Variants in KCNJ15 observed in about 807,000 individuals in gnomAD.
KCNJ15 encodes ATP-sensitive inward rectifier potassium channel 15.
KCNJ15 carries 14 observed loss-of-function variants against 23.0 expected under a neutral mutation model. The ratio of observed to expected loss-of-function variants is 0.61; its 90% CI spans 0.40 to 0.95. KCNJ15 has a LOEUF of 0.95. Among genes scored for constraint, KCNJ15 ranks in the 40% least tolerant of loss-of-function variants. The pLI is 0.00. For missense variants in KCNJ15, 388 were observed against 461.8 expected (o/e 0.84, Z 1.46); for synonymous variants, 185 against 183.2 (o/e 1.01, Z -0.08).
rs1294528582 is a variant in KCNJ15, at chr21:38,299,411, C to A, written c.150C>A (p.Tyr50Ter). The A allele has an allele frequency of 1.7e-5, 28 of 1,614,170 alleles. No individual in the cohort carries two copies. The highest frequency in any genetic ancestry group is 2.3e-5 in the Non-Finnish European group (27 of 1,180,026). ...AAGTGGATGGCATATACCTACTCTA[C>A]CTGCAAGACCTGTGGACCACAGTTA... The part of the protein sequence containing the change: ...IDKVDGIYLL[Y>*]LQDLWTTVID... Residue 50 changes from tyrosine to a stop codon, truncating the protein, a stop_gained, in exon 3 of 3, where the codon TAC becomes TAA. Transcript: ENST00000398938. LOFTEE classifies it high-confidence loss of function. This position sits in a 1 kb window ranked among gnomAD's most constrained non-coding sequence, Gnocchi z 4.5.
chr21:38,254,194 G>A (rs1394865836), upstream of KCNJ15, among the ~76,000 whole-genome samples: 1 of 152,168 alleles, frequency 6.6e-6, no homozygotes, highest in Non-Finnish European at 1.5e-5. Flanking sequence ...GTTAAAGCAT[G>A]CTTAACAAAG....
intron 1 of KCNJ15, among the ~76,000 whole-genome samples, chr21:38,270,786 G>T (rs1425842924): frequency 6.6e-6 from 1 of 152,198 alleles, no homozygotes; most frequent in East Asian, 1.9e-4. Flanking sequence ...TTTATGGCAA[G>T]ACCAAGGCAA....
chr21:38,248,294 G>A (rs1979592667), intron 1 of KCNJ15, among the ~76,000 whole-genome samples: 2 of 152,134 alleles, frequency 1.3e-5, no homozygotes, highest in Admixed American at 1.3e-4. Context: ...CTTGATTGCT[G>A]GGAATACACA....
chr21:38,274,883 G>A (rs1343683738), intron 1 of KCNJ15, among the ~76,000 whole-genome samples: 1 of 151,942 alleles, frequency 6.6e-6, no homozygotes, highest in East Asian at 1.9e-4. Flanking sequence ...TCTTCCCTTG[G>A]TATTTTTCTT....
intron 1 of KCNJ15, among the ~76,000 whole-genome samples, chr21:38,247,371 TGG>T (rs1979489007): frequency 6.6e-6 from 1 of 151,946 alleles, no homozygotes; most frequent in African/African-American, 2.4e-5. Flanking sequence ...GATGGATGGA[TGG>T]ATGGATGAAT....
intron 1 of KCNJ15, among the ~76,000 whole-genome samples, chr21:38,246,238 G>A (rs149809691): frequency 1.2e-4 from 18 of 152,310 alleles, no homozygotes; most frequent in African/African-American, 4.3e-4. Context: ...TTTCTTTGCT[G>A]TTTTGGATAA....
At chr21:38,248,129 G>A (rs943063684) in intron 1 of KCNJ15, among the ~76,000 whole-genome samples, 3 of 152,156 alleles carry the variant, frequency 2.0e-5, no homozygotes, top group East Asian at 1.9e-4. Flanking sequence ...ATATCTTTGC[G>A]CCTTCACACA....
upstream of KCNJ15, among the ~76,000 whole-genome samples, chr21:38,253,627 C>G (rs139809223): frequency 3.5e-4 from 54 of 152,298 alleles, no homozygotes; most frequent in Non-Finnish European, 7.1e-4. Context: ...TTTTCCCTCT[C>G]ATCACACTTT....
Position 38,304,662 on chromosome 21 carries a change from C to CTTTTTTTTTTTTTTTTTT in KCNJ15, c.*4287_*4304dup, listed in dbSNP as rs543096995. The CTTTTTTTTTTTTTTTTTT allele has an allele frequency of 7.1e-4, 40 of 56,050 alleles. 8 individuals carry two copies. Among genetic ancestry groups the CTTTTTTTTTTTTTTTTTT allele is most frequent in the Non-Finnish European group, 1.3e-3 (37 of 28,114 alleles). The allele number at this position is 56,050 out of a possible 1,614,324, so 3.5% of individuals were successfully genotyped here. A position where few individuals can be genotyped will look rare whatever the true frequency, so the allele number is the denominator to read the frequency against. The stretch of plus-strand genomic sequence containing the variant: ...TTACCCTTTGTAAACTTCAATTTAT[C>CTTTTTTTTTTTTTTTTTT]TTTTTTTTTTTTTTTTTTTTTTTTT... On this transcript the variant is annotated 3_prime_UTR_variant, in exon 3 of 3. Coordinates refer to ENST00000398938, the MANE Select transcript of KCNJ15 (RefSeq NM_170736.3).
intron 1 of KCNJ15, among the ~76,000 whole-genome samples, chr21:38,249,023 G>C (rs908909057): frequency 5.9e-5 from 9 of 152,240 alleles, no homozygotes; most frequent in Non-Finnish European, 1.3e-4. Flanking sequence ...AGCAGCTCTA[G>C]AATTTGAATC....
intron 1 of KCNJ15, among the ~76,000 whole-genome samples, chr21:38,270,844 C>G (rs528245374): frequency 6.6e-6 from 1 of 152,324 alleles, no homozygotes; most frequent in South Asian, 2.1e-4. Context: ...TGAAAAGGTT[C>G]ATAAGTGTAT....
Position 38,302,240 on chromosome 21 carries a change from A to G in KCNJ15, c.*1851A>G, listed in dbSNP as rs1311924811. ...GGGACTCAGAGAAAATGGGGAAAAT[A>G]AAGTGGATTCAGGTTATCAGTGAAA... On this transcript the variant is annotated 3_prime_UTR_variant, in exon 3 of 3. Transcript: ENST00000398938. 2.0e-5 allele frequency: 3 copies of G among 152,260 alleles called. No individual in the cohort carries two copies. The highest frequency in any genetic ancestry group is 4.4e-5 in the Non-Finnish European group (3 of 68,038). The allele number at this position is 152,260 out of a possible 1,614,324, so 9.4% of individuals were successfully genotyped here. A position where few individuals can be genotyped will look rare whatever the true frequency, so the allele number is the denominator to read the frequency against.
rs1985871859 is a variant in KCNJ15 at position 38,302,523 on chromosome 21, C to T, written c.*2134C>T. 1 of 66,572 alleles carries T rather than the reference C, an allele frequency of 1.5e-5. No individual in the cohort carries two copies. Among genetic ancestry groups the T allele is most frequent in the Non-Finnish European group, 2.8e-5 (1 of 35,686 alleles). The allele number at this position is 66,572 out of a possible 1,614,324, so 4.1% of individuals were successfully genotyped here. A position where few individuals can be genotyped will look rare whatever the true frequency, so the allele number is the denominator to read the frequency against. ...CTGTTGATAATTTTATGGAAGGTTG[C>T]TTTAGATCTCCATTCCTTAAAAAAA... On this transcript the variant is annotated 3_prime_UTR_variant, in exon 3 of 3. Coordinates refer to ENST00000398938, the MANE Select transcript of KCNJ15 (RefSeq NM_170736.3).
chr21:38,262,994 C>T (rs139083155), intron 1 of KCNJ15, among the ~76,000 whole-genome samples: 3 of 152,256 alleles, frequency 2.0e-5, no homozygotes, highest in African/African-American at 4.8e-5. Flanking sequence ...GATATCTTAA[C>T]GTCACTCCTT....
At position 38,306,514 on chromosome 21, in the gene KCNJ15, AT is replaced by A. The variant is rs917949545; in HGVS notation, c.*6132del. ...GATTGGAGGGAAGTTCAAAGGGAAGATTTTTTTCATTCACTGTAGTTTTAGC... is the reference window on the plus strand; with the variant it reads ...GATTGGAGGGAAGTTCAAAGGGAAGATTTTTTCATTCACTGTAGTTTTAGC... On this transcript the variant is annotated 3_prime_UTR_variant, in exon 3 of 3. Transcript: ENST00000398938. 2 of 152,188 alleles carry A rather than the reference AT, an allele frequency of 1.3e-5. No individual in the cohort carries two copies. The highest frequency in any genetic ancestry group is 1.9e-4 in the East Asian group (1 of 5,200). 9.4% of individuals were successfully genotyped at this position (152,188 alleles called of 1,614,324 possible).
chr21:38,280,845 C>T (rs140835574), intron 1 of KCNJ15, among the ~76,000 whole-genome samples: 3 of 152,228 alleles, frequency 2.0e-5, no homozygotes, highest in African/African-American at 7.2e-5. Flanking sequence ...TTAAGCCCCA[C>T]GGCATTCACT....
rs1165658717 is a variant in KCNJ15, at chr21:38,277,142, G to A, written c.-116-19784G>A. Among the ~76,000 whole-genome samples, 4 of 151,874 alleles carry A rather than the reference G, an allele frequency of 2.6e-5. No homozygotes were observed. The East Asian group carries it at 7.7e-4, about 29-fold the overall frequency. On this transcript the variant is annotated intron_variant, in intron 1 of 2. Coordinates refer to ENST00000398938, the MANE Select transcript of KCNJ15 (RefSeq NM_170736.3). The stretch of plus-strand genomic sequence containing the variant: ...AGGTCCTATTTTTCATGACTAAGAA[G>A]TTGACAATGGTCTTTCCAAATTAAG...
At position 38,306,908 on chromosome 21, in the gene KCNJ15, A is replaced by G. The variant is rs1226964336; in HGVS notation, c.*6519A>G. ...AAATGACATGTAGATTTTATATGCA[A>G]ACAATCCCACTGCTTGTAACTCCTG... On this transcript the variant is annotated 3_prime_UTR_variant, in exon 3 of 3. Transcript: ENST00000398938. The G allele has an allele frequency of 1.3e-5, 2 of 152,240 alleles. No individual in the cohort carries two copies. Among genetic ancestry groups the G allele is most frequent in the East Asian group, 3.8e-4 (2 of 5,206 alleles). The allele number at this position is 152,240 out of a possible 1,614,324, so 9.4% of individuals were successfully genotyped here.
intron 1 of KCNJ15, among the ~76,000 whole-genome samples, chr21:38,261,262 T>C (rs766840986): frequency 1.3e-5 from 2 of 152,156 alleles, no homozygotes; most frequent in Non-Finnish European, 2.9e-5. Flanking sequence ...CCCTTAAGAT[T>C]GCACAATTTG....
Sources: gnomAD v4.1 joint callset for allele counts (sites outside exome capture counted in the v4.1 genomes callset) on GRCh38, gnomAD v4.1.1 for gene constraint, Gnocchi (gnomAD v3.1) non-coding constraint, MANE v1.5 for transcripts, NCBI Gene and HGNC (gene_info 2026-07-23, HGNC 2026-07-21) for gene names.